Variants in SYTL5 observed in about 807,000 individuals in gnomAD.
SYTL5 encodes the protein synaptotagmin like 5.
Under a neutral mutation model 55.9 loss-of-function variants are expected in SYTL5, and 34 were observed. The observed-to-expected ratio is 0.61, with a 90% CI of 0.46 to 0.81. SYTL5 has a LOEUF of 0.81. SYTL5 is among the 30% of genes least tolerant of loss of function. SYTL5 has a pLI of 0.00. For synonymous variants in SYTL5, 221 were observed against 188.7 expected, an observed-to-expected ratio of 1.17 and a Z score of -1.40; for missense variants, 637 against 546.7, an observed-to-expected ratio of 1.17 and a Z score of -1.65.
At chrX:38,120,576 C>T (rs927943555) in intron 14 of SYTL5, 110 bp downstream of exon 14, 6 of 582,602 alleles carry the variant, frequency 1.0e-5, no homozygotes, top group Non-Finnish European at 1.4e-5. Context: ...ACAAACAAAA[C>T]ATAAAGGGTT....
intron 2 of SYTL5, among the ~76,000 whole-genome samples, chrX:38,053,756 C>A (rs957906302): frequency 3.6e-5 from 4 of 112,061 alleles, no homozygotes; most frequent in Admixed American, 2.8e-4. Context: ...ATGCCTGTAA[C>A]CTGGGGCCAT....
At chrX:38,118,339 AT>A (rs771513881) in intron 13 of SYTL5, among the ~76,000 whole-genome samples, 9 of 110,692 alleles carry the variant, frequency 8.1e-5, no homozygotes, top group Middle Eastern at 4.6e-3. Flanking sequence ...AGTATTTTTA[AT>A]TTTTTTTTAC....
chrX:37,890,273 C>T, the SYTL5 span, among the ~76,000 whole-genome samples: 1 of 111,377 alleles, frequency 9.0e-6, no homozygotes, highest in African/African-American at 3.3e-5. Context: ...CACTCCAGCA[C>T]CAGGACCCAT....
At chrX:37,975,886 A>C in the SYTL5 span, among the ~76,000 whole-genome samples, 1 of 111,617 alleles carries the variant, frequency 9.0e-6, no homozygotes, top group African/African-American at 3.3e-5. Context: ...ATATCGGTAC[A>C]TTTTATAAGG....
chrX:37,919,940 G>T, the SYTL5 span, among the ~76,000 whole-genome samples: 1 of 111,624 alleles, frequency 9.0e-6, no homozygotes, highest in Non-Finnish European at 1.9e-5. Flanking sequence ...TATCTGTATA[G>T]ATAATATCTG....
chrX:37,990,887 G>C, the SYTL5 span: 824 of 1,209,086 alleles, frequency 6.8e-4, 2 homozygotes, highest in Middle Eastern at 5.1e-3. Flanking sequence ...ATAACAACCA[G>C]ACTCAAGACC....
At chrX:37,914,466 G>T in the SYTL5 span, among the ~76,000 whole-genome samples, 1 of 110,853 alleles carries the variant, frequency 9.0e-6, no homozygotes, top group Non-Finnish European at 1.9e-5. Flanking sequence ...CATGCAGTTG[G>T]GTATCATTTT....
At chrX:38,011,879 G>A (rs1418538314) in intron 1 of SYTL5, among the ~76,000 whole-genome samples, 1 of 104,428 alleles carries the variant, frequency 9.6e-6, no homozygotes, top group Non-Finnish European at 1.9e-5. Context: ...TAGTTTAGTG[G>A]GATTTTTTTT....
At chrX:37,923,095 T>C in the SYTL5 span, among the ~76,000 whole-genome samples, 1 of 112,909 alleles carries the variant, frequency 8.9e-6, no homozygotes, top group Non-Finnish European at 1.9e-5. Context: ...CCTGCCCTTT[T>C]GCAGGGAGGC....
At chrX:38,066,499 A>G (rs141007077) in intron 3 of SYTL5, among the ~76,000 whole-genome samples, 12,760 of 111,413 alleles carry the variant, frequency 0.11, 679 homozygotes, top group Middle Eastern at 0.16. Flanking sequence ...TATGACTTAC[A>G]GTGCATAAAG....
At chrX:37,947,021 C>A in the SYTL5 span, among the ~76,000 whole-genome samples, 1 of 110,934 alleles carries the variant, frequency 9.0e-6, no homozygotes, top group Non-Finnish European at 1.9e-5. Context: ...CACCTCATTG[C>A]CTTACTCTCT....
intron 1 of SYTL5, among the ~76,000 whole-genome samples, chrX:38,024,269 C>G (rs3920550): frequency 0.22 from 24,175 of 108,851 alleles, 4,951 homozygotes; most frequent in African/African-American, 0.63. Flanking sequence ...ATAAGTCTCA[C>G]GAGATATGAT....
chrX:37,895,712 T>C, the SYTL5 span, among the ~76,000 whole-genome samples: 1 of 109,021 alleles, frequency 9.2e-6, no homozygotes, highest in Admixed American at 9.9e-5. Flanking sequence ...AGACATTATG[T>C]CCCCATCCTT....
chrX:37,929,772 G>A, the SYTL5 span, among the ~76,000 whole-genome samples: 1 of 112,095 alleles, frequency 8.9e-6, no homozygotes, highest in Non-Finnish European at 1.9e-5. Context: ...AGTTGCTTAT[G>A]TAAAGCACTT....
intron 10 of SYTL5, chrX:38,102,984 T>A: frequency 1.0e-6 from 1 of 998,292 alleles, no homozygotes. Context: ...TCTGTTGCTC[T>A]GATGCTTTTT....
chrX:38,053,797 C>T (rs978504929), intron 2 of SYTL5, among the ~76,000 whole-genome samples: 3 of 111,825 alleles, frequency 2.7e-5, no homozygotes, highest in African/African-American at 9.8e-5. Context: ...CAAAGATATC[C>T]TAGAGAAGTT....
chrX:37,990,963 G>T, the SYTL5 span: 3 of 1,211,893 alleles, frequency 2.5e-6, no homozygotes, highest in South Asian at 5.3e-5. Context: ...TGAACGAGAC[G>T]TCCAAAGCCA....
intron 2 of SYTL5, among the ~76,000 whole-genome samples, chrX:38,050,502 A>G (rs1012631099): frequency 9.0e-6 from 1 of 111,714 alleles, no homozygotes; most frequent in Non-Finnish European, 1.9e-5. Context: ...AGCAATTTAT[A>G]TGTTAATATA....
the SYTL5 span, among the ~76,000 whole-genome samples, chrX:37,983,316 T>C: frequency 2.7e-5 from 3 of 111,766 alleles, no homozygotes; most frequent in African/African-American, 9.7e-5. Flanking sequence ...AGACAAAAAT[T>C]GATTGTAAGT....
Sources: gnomAD v4.1 joint callset for allele counts (sites outside exome capture counted in the v4.1 genomes callset) on GRCh38, gnomAD v4.1.1 for gene constraint, MANE v1.5 for transcripts, NCBI Gene and HGNC (gene_info 2026-07-23, HGNC 2026-07-21) for gene names.